The following TYW1B variants were observed in gnomAD, a reference collection of about 807,000 sequenced individuals.
TYW1B encodes S-adenosyl-L-methionine-dependent tRNA 4-demethylwyosine synthase TYW1B.
In TYW1B, 73 loss-of-function variants were observed where a neutral mutation model predicts 86.9. The ratio of observed to expected loss-of-function variants is 0.84; its 90% CI spans 0.70 to 1.02. The LOEUF (loss-of-function observed/expected upper bound fraction) is 1.02. Among genes scored for constraint, TYW1B ranks in the 50% least tolerant of loss-of-function variants. The probability of loss-of-function intolerance (pLI) is 0.00; values close to 1 mark genes in which losing one functional copy is unlikely to be tolerated. For missense variants in TYW1B, 637 were observed against 827.4 expected, an observed-to-expected ratio of 0.77 and a Z score of 2.82; for synonymous variants, 248 against 292.8, an observed-to-expected ratio of 0.85 and a Z score of 1.56.
chr7:72,675,458 T>C (rs1280257148), intron 11 of TYW1B, among the ~76,000 whole-genome samples: 1 of 151,446 alleles, frequency 6.6e-6, no homozygotes, highest in Non-Finnish European at 1.5e-5. Context: ...CTAAGTCAAC[T>C]GGAAAAGGAC....
At chr7:72,756,321 G>A (rs782282671) in intron 7 of TYW1B, among the ~76,000 whole-genome samples, 23 of 151,420 alleles carry the variant, frequency 1.5e-4, no homozygotes, top group Admixed American at 2.6e-4. Flanking sequence ...TGCAACCTCC[G>A]CCTCCCGGGT....
chr7:72,592,522 A>C (rs1413668560), intron 13 of TYW1B, among the ~76,000 whole-genome samples: 1 of 152,234 alleles, frequency 6.6e-6, no homozygotes, highest in African/African-American at 2.4e-5. Context: ...AAATAACAAA[A>C]TGACAGAAGT....
intron 2 of TYW1B, among the ~76,000 whole-genome samples, chr7:72,818,807 T>C (rs1554479908): frequency 6.6e-6 from 1 of 151,708 alleles, no homozygotes; most frequent in Non-Finnish European, 1.5e-5. Flanking sequence ...CCACACACTT[T>C]TAAACAGCCA....
intron 2 of TYW1B, among the ~76,000 whole-genome samples, chr7:72,819,056 A>G (rs1788779542): frequency 6.6e-6 from 1 of 152,168 alleles, no homozygotes; most frequent in Admixed American, 6.6e-5. Context: ...ATAAAGTGAG[A>G]TTTGAGCCAA....
intron 11 of TYW1B, among the ~76,000 whole-genome samples, chr7:72,629,261 A>AG (rs1421249356): frequency 1.3e-5 from 2 of 152,232 alleles, no homozygotes; most frequent in African/African-American, 2.4e-5. Context: ...AGGCACCCAG[A>AG]GGTTTCTTGA....
chr7:72,783,383 C>CAAA (rs35804694), intron 6 of TYW1B, among the ~76,000 whole-genome samples: 5 of 113,444 alleles, frequency 4.4e-5, no homozygotes, highest in South Asian at 3.0e-4. Flanking sequence ...GACTTCATCT[C>CAAA]AAAAAAAAAA....
intron 10 of TYW1B, among the ~76,000 whole-genome samples, chr7:72,695,754 G>A (rs1440747450): frequency 2.6e-5 from 4 of 151,804 alleles, no homozygotes; most frequent in African/African-American, 7.3e-5. Context: ...CACCACGCCC[G>A]GCTAATTTTT....
intron 7 of TYW1B, among the ~76,000 whole-genome samples, chr7:72,762,711 G>A (rs551555634): frequency 5.9e-5 from 9 of 152,214 alleles, no homozygotes; most frequent in South Asian, 2.1e-4. Context: ...CCAGGCTGGA[G>A]TGCAGTGGCA....
chr7:72,702,710 G>T (rs1814502920), intron 10 of TYW1B, among the ~76,000 whole-genome samples: 1 of 151,880 alleles, frequency 6.6e-6, no homozygotes, highest in African/African-American at 2.4e-5. Context: ...TCAAGGCTAG[G>T]GAAAGTGAGA....
intron 5 of TYW1B, among the ~76,000 whole-genome samples, chr7:72,806,711 CATG>C (rs2129572592): frequency 6.6e-6 from 1 of 152,080 alleles, no homozygotes; most frequent in South Asian, 2.1e-4. Flanking sequence ...AGGGCAGTGG[CATG>C]ATCACAGCTC....
chr7:72,726,161 T>C (rs1554458670), intron 9 of TYW1B, among the ~76,000 whole-genome samples: 1 of 152,070 alleles, frequency 6.6e-6, no homozygotes, highest in Non-Finnish European at 1.5e-5. Context: ...TTTATCCAAG[T>C]ATAAGAATGT....
At chr7:72,722,493 A>T (rs2129570895) in intron 9 of TYW1B, among the ~76,000 whole-genome samples, 1 of 152,296 alleles carries the variant, frequency 6.6e-6, no homozygotes, top group South Asian at 2.1e-4. Flanking sequence ...ATAGACACTG[A>T]GTGGCACTGA....
intron 4 of TYW1B, among the ~76,000 whole-genome samples, chr7:72,809,478 C>A (rs1406589874): frequency 6.6e-6 from 1 of 151,792 alleles, no homozygotes; most frequent in Non-Finnish European, 1.5e-5. Flanking sequence ...CACAGTGAGA[C>A]CCTCATCTCT....
intron 7 of TYW1B, among the ~76,000 whole-genome samples, chr7:72,766,209 T>C (rs2129571783): frequency 6.6e-6 from 1 of 152,352 alleles, no homozygotes; most frequent in African/African-American, 2.4e-5. Flanking sequence ...CCTAATTCCC[T>C]GTGGTGATTT....
intron 13 of TYW1B, among the ~76,000 whole-genome samples, chr7:72,596,032 T>C (rs185771713): frequency 2.0e-5 from 3 of 151,462 alleles, no homozygotes; most frequent in Non-Finnish European, 4.4e-5. Flanking sequence ...AAAAATTAGA[T>C]GGGCATGGTG....
chr7:72,664,844 A>G (rs1813423545), intron 11 of TYW1B, among the ~76,000 whole-genome samples: 2 of 152,200 alleles, frequency 1.3e-5, no homozygotes, highest in African/African-American at 4.8e-5. Context: ...CATGGACGGC[A>G]AAATCCATGG....
chr7:72,619,365 G>A (rs1812158510), intron 12 of TYW1B, among the ~76,000 whole-genome samples: 1 of 152,164 alleles, frequency 6.6e-6, no homozygotes, highest in Non-Finnish European at 1.5e-5. Flanking sequence ...TTACGGGCCG[G>A]GCGCGGTGGC....
In TYW1B at chr7:72,826,944, A is replaced by G. The variant is rs782384362; in HGVS notation, c.46T>C (p.Ser16Pro). Residue 16 changes from serine (S) to proline (P), a missense_variant, in exon 2 of 14, where the codon TCA (serine) becomes CCA (proline). Transcript: ENST00000620995. The stretch of plus-strand genomic sequence containing the variant: ...ATGTAAAACCTGTTTATCCATAATG[A>G]TATTAAAGGTGAGGAGAGGTCCCAT... ...DTWDLSSPLI[S>P]LWINRFYIYL... is the part of the protein sequence containing the mutation. The G allele has an allele frequency of 8.7e-6, 14 of 1,613,818 alleles. No homozygotes were observed. In the South Asian group the frequency reaches 1.1e-4, roughly 13 times the overall value.
intron 12 of TYW1B, among the ~76,000 whole-genome samples, chr7:72,621,577 C>T (rs564416547): frequency 2.6e-5 from 4 of 152,204 alleles, no homozygotes; most frequent in South Asian, 2.1e-4. Flanking sequence ...GGAACCTCTA[C>T]GCTATCTGAC....
Sources: allele counts gnomAD v4.1 joint callset (sites outside exome capture counted in the v4.1 genomes callset), GRCh38; gene constraint gnomAD v4.1.1; transcripts MANE v1.5; gene names NCBI Gene and HGNC (gene_info 2026-07-23, HGNC 2026-07-21).